Variants in ZNF804B observed in about 807,000 individuals in gnomAD.
The protein encoded by ZNF804B is zinc finger 804B.
A neutral mutation model predicts 101.4 loss-of-function variants in ZNF804B; 80 were observed. The observed-to-expected ratio is 0.79, with a 90% CI of 0.66 to 0.95. ZNF804B has a LOEUF of 0.95. Ranked by LOEUF, ZNF804B falls within the 40% of genes least tolerant of loss-of-function variation. The probability of loss-of-function intolerance (pLI) is 0.00; values close to 1 mark genes in which losing one functional copy is unlikely to be tolerated. For synonymous variants in ZNF804B, 622 were observed against 558.8 expected (o/e 1.11, Z -1.59); for missense variants, 1,673 against 1,561.9 (o/e 1.07, Z -1.20).
At chr7:89,198,937 A>C (rs918743822) in intron 1 of ZNF804B, among the ~76,000 whole-genome samples, 1 of 151,918 alleles carries the variant, frequency 6.6e-6, no homozygotes, top group African/African-American at 2.4e-5. Context: ...CAAGTAACTT[A>C]TCGGGAATAT....
chr7:88,882,251 T>C (rs1047335623), intron 1 of ZNF804B, among the ~76,000 whole-genome samples: 7 of 152,092 alleles, frequency 4.6e-5, no homozygotes, highest in African/African-American at 1.7e-4. Context: ...GACATACAAA[T>C]GGCCAATAAT....
chr7:89,212,785 A>G (rs1788825014), intron 1 of ZNF804B, among the ~76,000 whole-genome samples: 1 of 152,124 alleles, frequency 6.6e-6, no homozygotes, highest in African/African-American at 2.4e-5. Context: ...AAGGGTAGGT[A>G]ACTTTTCAAA....
At chr7:88,943,554 A>T (rs1033515645) in intron 1 of ZNF804B, among the ~76,000 whole-genome samples, 9 of 151,922 alleles carry the variant, frequency 5.9e-5, no homozygotes, top group African/African-American at 2.2e-4. Context: ...TTTGTAGAGA[A>T]GCAAAAGTAT....
intron 1 of ZNF804B, among the ~76,000 whole-genome samples, chr7:89,008,319 A>G (rs1362824178): frequency 6.6e-6 from 1 of 152,092 alleles, no homozygotes; most frequent in South Asian, 2.1e-4. Context: ...TCTGAATCAT[A>G]TAAAGTTAAT....
At chr7:88,946,147 A>G (rs1793124804) in intron 1 of ZNF804B, among the ~76,000 whole-genome samples, 1 of 152,108 alleles carries the variant, frequency 6.6e-6, no homozygotes, top group Non-Finnish European at 1.5e-5. Flanking sequence ...GTGGTGAAAG[A>G]GAGCATCCTT....
At chr7:88,981,022 T>G (rs1480445756) in intron 1 of ZNF804B, among the ~76,000 whole-genome samples, 1 of 152,010 alleles carries the variant, frequency 6.6e-6, no homozygotes, top group African/African-American at 2.4e-5. Context: ...ACACCCAAAC[T>G]CTAAGACAAA....
At chr7:89,168,626 G>A (rs1269479261) in intron 1 of ZNF804B, among the ~76,000 whole-genome samples, 1 of 150,184 alleles carries the variant, frequency 6.7e-6, no homozygotes, top group South Asian at 2.1e-4. Flanking sequence ...GATACACACA[G>A]AGCTAACCAT....
rs891464749 is a variant in ZNF804B at position 88,915,942 on chromosome 7, T to C, written c.108+155858T>C. ...CTACAAAAGGTTTAGTTAAGTCATA[T>C]TAATGAAAATAATTCAAATGGCTCC... On this transcript the variant is annotated intron_variant, in intron 1 of 3. Coordinates refer to ENST00000333190, the MANE Select transcript of ZNF804B (RefSeq NM_181646.5). Among the ~76,000 whole-genome samples, 54 of 152,118 alleles carry C rather than the reference T, an allele frequency of 3.5e-4. 1 individual carries two copies. The highest frequency in any genetic ancestry group is 6.5e-5 in the Admixed American group (1 of 15,274).
intron 1 of ZNF804B, among the ~76,000 whole-genome samples, chr7:88,888,263 G>T (rs894370458): frequency 6.6e-6 from 1 of 152,002 alleles, no homozygotes; most frequent in East Asian, 1.9e-4. Context: ...GTGGTGGGGG[G>T]TGCCTGTAAT....
intron 2 of ZNF804B, among the ~76,000 whole-genome samples, chr7:89,270,549 G>A (rs1789876911): frequency 6.6e-6 from 1 of 152,162 alleles, no homozygotes; most frequent in Admixed American, 6.6e-5. Flanking sequence ...GGCAATGAGG[G>A]CTCCTTTTTG....
At chr7:88,979,426 T>C (rs1478997537) in intron 1 of ZNF804B, among the ~76,000 whole-genome samples, 2 of 151,904 alleles carry the variant, frequency 1.3e-5, no homozygotes, top group Non-Finnish European at 2.9e-5. Flanking sequence ...CTCTTTCATG[T>C]TTGAAGGACA....
chr7:88,885,971 G>A (rs1457135582), intron 1 of ZNF804B, among the ~76,000 whole-genome samples: 1 of 152,018 alleles, frequency 6.6e-6, no homozygotes, highest in Non-Finnish European at 1.5e-5. Context: ...ATTTAAATGG[G>A]AAGTCTGAAT....
chr7:88,936,380 A>G (rs1792970565), intron 1 of ZNF804B, among the ~76,000 whole-genome samples: 1 of 152,088 alleles, frequency 6.6e-6, no homozygotes, highest in Admixed American at 6.6e-5. Context: ...ACAGATGATC[A>G]AAGCAAAAGG....
intron 1 of ZNF804B, among the ~76,000 whole-genome samples, chr7:89,032,805 A>G (rs1293752677): frequency 6.6e-6 from 1 of 152,066 alleles, no homozygotes; most frequent in Non-Finnish European, 1.5e-5. Flanking sequence ...TTATTTTTAA[A>G]AATTTTAATT....
chr7:89,058,011 A>G (rs141523138), intron 1 of ZNF804B, among the ~76,000 whole-genome samples: 4 of 152,106 alleles, frequency 2.6e-5, no homozygotes, highest in Non-Finnish European at 4.4e-5. Context: ...AAAAAGAGAA[A>G]CGTTCCAGAG....
chr7:88,892,877 A>G (rs985336066), intron 1 of ZNF804B, among the ~76,000 whole-genome samples: 1 of 152,174 alleles, frequency 6.6e-6, no homozygotes, highest in African/African-American at 2.4e-5. Flanking sequence ...TTATATTGGT[A>G]TTGTTAGTTA....
intron 2 of ZNF804B, among the ~76,000 whole-genome samples, chr7:89,275,644 T>C (rs1237848948): frequency 1.3e-5 from 2 of 151,984 alleles, no homozygotes; most frequent in Non-Finnish European, 2.9e-5. Flanking sequence ...TCTTTCTTAA[T>C]ATAGTCTTTT....
intron 2 of ZNF804B, among the ~76,000 whole-genome samples, chr7:89,246,784 A>G (rs1367909430): frequency 1.3e-5 from 2 of 152,090 alleles, no homozygotes; most frequent in Non-Finnish European, 2.9e-5. Flanking sequence ...GTGGTGCAAT[A>G]GGACCCTCTC....
chr7:88,793,024 T>C (rs1055393620), intron 1 of ZNF804B, among the ~76,000 whole-genome samples: 5 of 151,986 alleles, frequency 3.3e-5, no homozygotes, highest in African/African-American at 1.2e-4. Context: ...GAGATTGGTT[T>C]GTCCTCAAAG....
Sources: gnomAD v4.1 joint callset for allele counts (sites outside exome capture counted in the v4.1 genomes callset) on GRCh38, gnomAD v4.1.1 for gene constraint, MANE v1.5 for transcripts, NCBI Gene and HGNC (gene_info 2026-07-23, HGNC 2026-07-21) for gene names.